NOS1AP: variants seen among roughly 807,000 people sequenced by gnomAD.
NOS1AP encodes nitric oxide synthase 1 adaptor protein.
Under a neutral mutation model 56.2 loss-of-function variants are expected in NOS1AP, and 21 were observed. The observed-to-expected ratio is 0.37, with a 90% CI of 0.26 to 0.54. The LOEUF (loss-of-function observed/expected upper bound fraction) is 0.54. NOS1AP is among the 20% of genes least tolerant of loss of function. The probability of loss-of-function intolerance (pLI) is 0.84; values close to 1 mark genes in which losing one functional copy is unlikely to be tolerated. For missense variants in NOS1AP, 522 were observed against 657.8 expected (o/e 0.79, Z 2.26); for synonymous variants, 270 against 274.6 (o/e 0.98, Z 0.17).
At chr1:162,114,861 G>T (rs749101931) in intron 1 of NOS1AP, among the ~76,000 whole-genome samples, 4 of 152,206 alleles carry the variant, frequency 2.6e-5, no homozygotes, top group Non-Finnish European at 5.9e-5. Flanking sequence ...TAAATCGGAA[G>T]TTGTTGTAGG....
intron 2 of NOS1AP, among the ~76,000 whole-genome samples, chr1:162,252,477 G>A (rs1653896501): frequency 6.6e-6 from 1 of 152,178 alleles, no homozygotes; most frequent in Non-Finnish European, 1.5e-5. Context: ...TCAAGGGGAG[G>A]TAGTATGAAG....
At chr1:162,272,016 G>A (rs942156233) in intron 2 of NOS1AP, among the ~76,000 whole-genome samples, 46 of 152,108 alleles carry the variant, frequency 3.0e-4, no homozygotes, top group African/African-American at 1.1e-3. Flanking sequence ...AGTAGGGACT[G>A]CCAGCTAATT....
chr1:162,193,556 G>A (rs1366778959), intron 2 of NOS1AP, among the ~76,000 whole-genome samples: 2 of 152,170 alleles, frequency 1.3e-5, no homozygotes, highest in African/African-American at 2.4e-5. Context: ...GATTATTTTT[G>A]CTTCCTTTTC....
chr1:162,150,842 T>C (rs913363128), intron 1 of NOS1AP, among the ~76,000 whole-genome samples: 2 of 152,214 alleles, frequency 1.3e-5, no homozygotes, highest in Non-Finnish European at 2.9e-5. Context: ...TTGGGCTTCT[T>C]ATATATTCTG....
chr1:162,230,379 G>T (rs1653084664), intron 2 of NOS1AP, among the ~76,000 whole-genome samples: 1 of 152,312 alleles, frequency 6.6e-6, no homozygotes, highest in Non-Finnish European at 1.5e-5. Flanking sequence ...ACCCAATGTT[G>T]TGCCAGCTGG....
intron 2 of NOS1AP, among the ~76,000 whole-genome samples, chr1:162,274,851 C>T (rs745874234): frequency 1.8e-4 from 27 of 152,228 alleles, no homozygotes; most frequent in Admixed American, 3.3e-4. Context: ...TATTTGCTTT[C>T]AATATATCCC....
intron 2 of NOS1AP, among the ~76,000 whole-genome samples, chr1:162,162,900 T>G (rs147272046): frequency 4.6e-5 from 7 of 152,202 alleles, no homozygotes; most frequent in African/African-American, 1.4e-4. Flanking sequence ...CAATCAATTT[T>G]CAAACATGTT....
At chr1:162,140,193 C>T (rs1359739306) in intron 1 of NOS1AP, among the ~76,000 whole-genome samples, 1 of 152,140 alleles carries the variant, frequency 6.6e-6, no homozygotes, top group African/African-American at 2.4e-5. Context: ...TGCCTGCAGG[C>T]CCTCTGTTCT....
At chr1:162,282,068 C>T (rs1206198569) in intron 2 of NOS1AP, among the ~76,000 whole-genome samples, 1 of 152,034 alleles carries the variant, frequency 6.6e-6, no homozygotes, top group Non-Finnish European at 1.5e-5. Flanking sequence ...CCATTGCACT[C>T]CAGCCTGGGG....
Position 162,343,956 on chromosome 1 carries a change from G to T in NOS1AP, c.575G>T (p.Ser192Ile), listed in dbSNP as rs1191599582. The change falls in exon 6 of 10, where the codon AGC (serine) becomes ATC (isoleucine). Residue 192 changes from serine (S) to isoleucine (I), a missense_variant. Ser to Ile is a moderately radical substitution (Grantham distance 142, BLOSUM62 -2). Around this residue, in one of 4 missense-constraint regions of NOS1AP, gnomAD observed 178 missense variants for 165.0 expected, o/e 1.08. Transcript: ENST00000361897. ...GQEDGESERN[S>I]NSSGDPGRQL... ...GAAGATGGAGAGAGCGAGAGGAACA[G>T]CAACAGCTCAGGAGACCCAGGTAGG... The T allele has an allele frequency of 1.2e-6, 2 of 1,614,074 alleles. No individual in the cohort carries two copies. Among genetic ancestry groups the T allele is most frequent in the Admixed American group, 3.3e-5 (2 of 60,008 alleles).
intron 5 of NOS1AP, among the ~76,000 whole-genome samples, chr1:162,342,955 T>C (rs1440802569): frequency 6.6e-6 from 1 of 152,206 alleles, no homozygotes; most frequent in African/African-American, 2.4e-5. Context: ...CAGCCTGAGC[T>C]CTGAAACTCT....
Position 162,201,096 on chromosome 1 carries a change from C to T in NOS1AP, c.177+46620C>T, listed in dbSNP as rs188035166. On this transcript the variant is annotated intron_variant, in intron 2 of 9. Transcript: ENST00000361897. ...CTGATAAACCCCAGTTTGTTTTGTT[C>T]CTTTCTATGCATCCATGTGTTCTCA... 5.4e-3 allele frequency among the ~76,000 whole-genome samples: 817 copies of T among 152,252 alleles called. 1 individual carries two copies. Among genetic ancestry groups the T allele is most frequent in the Non-Finnish European group, 9.2e-3 (623 of 68,008 alleles).
intron 2 of NOS1AP, among the ~76,000 whole-genome samples, chr1:162,180,129 A>G (rs1651199577): frequency 6.6e-6 from 1 of 152,248 alleles, no homozygotes; most frequent in African/African-American, 2.4e-5. Context: ...ATATTCACCA[A>G]TGAAGCCATC....
chr1:162,234,587 T>C (rs1041237033), intron 2 of NOS1AP, among the ~76,000 whole-genome samples: 1 of 152,206 alleles, frequency 6.6e-6, no homozygotes, highest in Non-Finnish European at 1.5e-5. Context: ...TCTTCCTCTC[T>C]ATGTGTCCTG....
intron 1 of NOS1AP, among the ~76,000 whole-genome samples, chr1:162,088,745 G>A (rs1692060063): frequency 6.6e-6 from 1 of 152,124 alleles, no homozygotes; most frequent in Admixed American, 6.5e-5. Context: ...TTTGAGGCCA[G>A]ATTACTCAGT....
At chr1:162,310,293 A>G (rs1655983975) in intron 4 of NOS1AP, among the ~76,000 whole-genome samples, 1 of 152,210 alleles carries the variant, frequency 6.6e-6, no homozygotes, top group Admixed American at 6.5e-5. Context: ...TTTATAAGTG[A>G]TGGGGTGACA....
chr1:162,197,172 T>C (rs1034206211), intron 2 of NOS1AP, among the ~76,000 whole-genome samples: 3 of 152,194 alleles, frequency 2.0e-5, no homozygotes, highest in Non-Finnish European at 4.4e-5. Flanking sequence ...TGTTGCATAG[T>C]AAATAATCAA....
intron 5 of NOS1AP, among the ~76,000 whole-genome samples, chr1:162,338,946 T>C (rs1657021556): frequency 6.6e-6 from 1 of 152,234 alleles, no homozygotes. Context: ...TTAGGTGTGC[T>C]GAGGAGAACA....
chr1:162,260,418 C>G (rs1183451692), intron 2 of NOS1AP, among the ~76,000 whole-genome samples: 4 of 152,108 alleles, frequency 2.6e-5, no homozygotes, highest in African/African-American at 9.7e-5. Flanking sequence ...GTATTCAGAA[C>G]CATCAAGCTT....
Sources: gnomAD v4.1 joint callset for allele counts (sites outside exome capture counted in the v4.1 genomes callset) on GRCh38, gnomAD v4.1.1 for gene constraint, gnomAD v4.1.1 regional missense constraint, MANE v1.5 for transcripts, NCBI Gene and HGNC (gene_info 2026-07-23, HGNC 2026-07-21) for gene names.